The following RAB14 variants were observed in gnomAD, a reference collection of about 807,000 sequenced individuals.
RAB14 encodes the protein RAB14, member RAS oncogene family, also known as ras-related protein Rab-14.
A neutral mutation model predicts 31.1 loss-of-function variants in RAB14; 3 were observed. That is an observed-to-expected ratio of 0.10 (90% CI 0.04 to 0.25). The LOEUF (loss-of-function observed/expected upper bound fraction) is 0.25, where lower values mean the gene tolerates loss of function less well. RAB14 is among the 10% of genes least tolerant of loss of function. RAB14 has a pLI of 1.00. For synonymous variants in RAB14, 85 were observed against 84.9 expected (o/e 1.00, Z 0.00); for missense variants, 111 against 260.1 (o/e 0.43, Z 3.94).
At chr9:121,192,416 G>T (rs1433849912) in intron 2 of RAB14, among the ~76,000 whole-genome samples, 192 bp from the exon 3 acceptor site, 1 of 152,024 alleles carries the variant, frequency 6.6e-6, no homozygotes, top group Admixed American at 6.6e-5. Flanking sequence ...ATCTTTAGCA[G>T]TGACAGAATT....
chr9:121,182,007 A>C (rs2053636288), intron 7 of RAB14, among the ~76,000 whole-genome samples: 1 of 152,186 alleles, frequency 6.6e-6, no homozygotes, highest in Admixed American at 6.5e-5. Context: ...TGGCTTCCCA[A>C]AGTGCTGGGA....
chr9:121,201,432 G>A (rs2053778964), intron 1 of RAB14, among the ~76,000 whole-genome samples: 3 of 151,980 alleles, frequency 2.0e-5, no homozygotes, highest in Admixed American at 1.3e-4. Flanking sequence ...CCGCGCAGGG[G>A]ACACCTCCGC....
chr9:121,186,155 C>G (rs1464628163), intron 5 of RAB14, among the ~76,000 whole-genome samples: 3 of 152,078 alleles, frequency 2.0e-5, no homozygotes, highest in Non-Finnish European at 2.9e-5. Flanking sequence ...TCCTGGCATA[C>G]CCTCAACAAT....
At chr9:121,197,379 C>A (rs1021083615) in intron 1 of RAB14, among the ~76,000 whole-genome samples, 2 of 152,116 alleles carry the variant, frequency 1.3e-5, no homozygotes, top group African/African-American at 4.8e-5. Context: ...CCATTTTTCA[C>A]CACCATTTTC....
In RAB14 at chr9:121,182,930, G is replaced by A. The variant is rs2053641132; in HGVS notation, c.470C>T (p.Thr157Met). ...GLLFLEASAK[T>M]GENVEDAFLE... ...ATATCTGTATTTTGGTCACACTTACGTTTTTGCACTCGCTTCGAGGAACAA... is the reference window on the plus strand; with the variant it reads ...ATATCTGTATTTTGGTCACACTTACATTTTTGCACTCGCTTCGAGGAACAA... Residue 157 changes from threonine (T) to methionine (M), a missense_variant and splice_region_variant, in exon 7 of 8, where the codon ACG becomes ATG. By Grantham distance (81) the Thr-to-Met change is moderately conservative. Coordinates refer to ENST00000373840, the MANE Select transcript of RAB14 (RefSeq NM_016322.4). The A allele has an allele frequency of 1.2e-6, 2 of 1,606,622 alleles. No individual in the cohort carries two copies. The highest frequency in any genetic ancestry group is 1.7e-6 in the Non-Finnish European group (2 of 1,175,102).
At chr9:121,199,633 T>C (rs2053742349) in intron 1 of RAB14, among the ~76,000 whole-genome samples, 2 of 152,254 alleles carry the variant, frequency 1.3e-5, no homozygotes, top group South Asian at 4.1e-4. Flanking sequence ...AAAGTTTAAC[T>C]GTAATACAAA....
At chr9:121,194,090 TCACTCACACACACACACACACACA>T (rs2053701409) in intron 1 of RAB14, among the ~76,000 whole-genome samples, 1 of 141,296 alleles carries the variant, frequency 7.1e-6, no homozygotes, top group Admixed American at 6.9e-5. Context: ...TTGCAGATTA[TCACTCACACACACACACACACACA>T]CACACACACA....
intron 1 of RAB14, among the ~76,000 whole-genome samples, chr9:121,194,660 G>A (rs1240133099): frequency 3.9e-5 from 6 of 151,972 alleles, no homozygotes; most frequent in South Asian, 2.1e-4. Context: ...GGCTTTTAGT[G>A]TTTCTGTCAA....
At chr9:121,183,804 T>C (rs1206497077) in intron 5 of RAB14, among the ~76,000 whole-genome samples, 1 of 152,194 alleles carries the variant, frequency 6.6e-6, no homozygotes, top group Admixed American at 6.5e-5. Flanking sequence ...CATACTTTGG[T>C]GACACCTGGT....
At chr9:121,190,435 C>A in intron 4 of RAB14, 119 bp downstream of exon 4, 2 of 930,198 alleles carry the variant, frequency 2.2e-6, no homozygotes, top group South Asian at 2.5e-5. Flanking sequence ...CCATAAAAAA[C>A]AAGTAAGTTC....
chr9:121,181,243 T>G lies in RAB14; in HGVS notation c.*153A>C, dbSNP rs745755242. 263 of 731,346 alleles carry G rather than the reference T, an allele frequency of 3.6e-4. No individual in the cohort carries two copies. The highest frequency in any genetic ancestry group is 1.7e-3 in the Middle Eastern group (4 of 2,338). 45.3% of individuals were successfully genotyped at this position (731,346 alleles called of 1,614,324 possible). On this transcript the variant is annotated 3_prime_UTR_variant, in exon 8 of 8. Coordinates refer to ENST00000373840, the MANE Select transcript of RAB14 (RefSeq NM_016322.4). ...TGATTACATCTAGTTGTTTAGCAGT[T>G]TAGTATTGTGTTAAACTGTTTTTAC... is the stretch of plus-strand genomic sequence containing the variant.
At chr9:121,181,713 C>T (rs143240410) in intron 7 of RAB14, 140 bp from the exon 8 acceptor site, 1 of 467,872 alleles carries the variant, frequency 2.1e-6, no homozygotes, top group Non-Finnish European at 3.7e-6. Flanking sequence ...TACCAGAACA[C>T]TGAGCTAAGA....
In RAB14 at chr9:121,184,891, T is replaced by C. The variant is rs571338258; in HGVS notation, c.352-1493A>G. The stretch of plus-strand genomic sequence containing the variant: ...TGACTAGCATAGGGCCATTACAAGA[T>C]AGGTACTCAAAACAAGAAATACTGC... On this transcript the variant is annotated intron_variant, in intron 5 of 7. Transcript: ENST00000373840. Among the ~76,000 whole-genome samples, 7 of 152,326 alleles carry C rather than the reference T, an allele frequency of 4.6e-5. No homozygotes were observed. In the South Asian group the frequency reaches 1.4e-3, roughly 32 times the overall value.
At chr9:121,185,750 C>T (rs144325999) in intron 5 of RAB14, among the ~76,000 whole-genome samples, 41 of 152,206 alleles carry the variant, frequency 2.7e-4, no homozygotes, top group African/African-American at 7.9e-4. Context: ...TTCCTACGTA[C>T]GGCTTAGTAG....
intron 3 of RAB14, among the ~76,000 whole-genome samples, chr9:121,191,180 TA>T (rs2132026210): frequency 6.6e-6 from 1 of 152,296 alleles, no homozygotes; most frequent in South Asian, 2.1e-4. Flanking sequence ...GGATTTTAAT[TA>T]ATTCTTCACA....
At chr9:121,193,546 A>C in intron 1 of RAB14, 127 bp from the exon 2 acceptor site, 1 of 623,762 alleles carries the variant, frequency 1.6e-6, no homozygotes, top group South Asian at 1.9e-5. Context: ...ACAGTAAGTC[A>C]AAATAAAACT....
chr9:121,181,737 T>C (rs956764112), intron 7 of RAB14, among the ~76,000 whole-genome samples, 164 bp from the exon 8 acceptor site: 10 of 141,668 alleles, frequency 7.1e-5, no homozygotes, highest in African/African-American at 2.7e-4. Flanking sequence ...CATGGAAAAC[T>C]ATTTTCCTTT....
At chr9:121,183,422 C>T (rs372001625) in intron 5 of RAB14, 24 bp from the exon 6 acceptor site, 37 of 1,510,164 alleles carry the variant, frequency 2.5e-5, no homozygotes, top group African/African-American at 1.1e-4. Context: ...AAAAGAAAGA[C>T]ACCTTGTAAC....
In RAB14 at chr9:121,179,623, C is replaced by T. The variant is rs904024268; in HGVS notation, c.*1773G>A. ...ACTGTAAGTCTTTAACAGAATATAC[C>T]AATCTACTCCAGAAATCTTATTTTT... On this transcript the variant is annotated 3_prime_UTR_variant, in exon 8 of 8. Transcript: ENST00000373840. 3 of 152,588 alleles carry T rather than the reference C, an allele frequency of 2.0e-5. No individual in the cohort carries two copies. Among genetic ancestry groups the T allele is most frequent in the Non-Finnish European group, 2.9e-5 (2 of 68,046 alleles). The allele number at this position is 152,588 out of a possible 1,614,324, so 9.5% of individuals were successfully genotyped here.
Sources: gnomAD v4.1 joint callset for allele counts (sites outside exome capture counted in the v4.1 genomes callset) on GRCh38, gnomAD v4.1.1 for gene constraint, MANE v1.5 for transcripts, NCBI Gene and HGNC (gene_info 2026-07-23, HGNC 2026-07-21) for gene names.